IQCH: variants seen among roughly 807,000 people sequenced by gnomAD.
IQCH encodes the protein IQ domain-containing protein H.
A neutral mutation model predicts 117.0 loss-of-function variants in IQCH; 98 were observed. That is an observed-to-expected ratio of 0.84 (90% confidence interval 0.71 to 0.99). The LOEUF (loss-of-function observed/expected upper bound fraction) is 0.99. Ranked by LOEUF, IQCH falls within the 50% of genes least tolerant of loss-of-function variation. The probability of loss-of-function intolerance (pLI) is 0.00; values close to 1 mark genes in which losing one functional copy is unlikely to be tolerated. For missense variants in IQCH, 1,102 were observed against 1,243.8 expected (o/e 0.89, Z 1.72); for synonymous variants, 412 against 448.2 (o/e 0.92, Z 1.02).
At chr15:67,358,670 G>A (rs972329938) in intron 7 of IQCH, among the ~76,000 whole-genome samples, 1 of 152,176 alleles carries the variant, frequency 6.6e-6, no homozygotes, top group African/African-American at 2.4e-5. Context: ...AGCTGGCACT[G>A]TCTTTTTCTG....
chr15:67,487,717 T>G (rs1384678011), intron 18 of IQCH, among the ~76,000 whole-genome samples: 1 of 152,182 alleles, frequency 6.6e-6, no homozygotes, highest in Non-Finnish European at 1.5e-5. Flanking sequence ...TGGCAGCCAC[T>G]GTTTAGCCAC....
At chr15:67,307,018 T>C in intron 4 of IQCH, 1 of 1,340,890 alleles carries the variant, frequency 7.5e-7, no homozygotes, top group African/African-American at 1.5e-5. Context: ...TTAACATGAA[T>C]TTTAAAAGAA....
chr15:67,324,542 G>A (rs546435031), intron 4 of IQCH, among the ~76,000 whole-genome samples: 12 of 150,996 alleles, frequency 7.9e-5, no homozygotes, highest in Non-Finnish European at 1.0e-4. Context: ...CCCAGGAGGC[G>A]GAGGTTGCAG....
intron 7 of IQCH, among the ~76,000 whole-genome samples, chr15:67,357,757 C>G (rs869305): frequency 0.45 from 68,744 of 151,986 alleles, 16,031 homozygotes; most frequent in Non-Finnish European, 0.52. Context: ...TTGTGAGGTT[C>G]TACTGTATTT....
intron 14 of IQCH, among the ~76,000 whole-genome samples, chr15:67,402,627 T>C (rs947509192): frequency 1.3e-5 from 2 of 152,200 alleles, no homozygotes; most frequent in African/African-American, 4.8e-5. Context: ...ATACAAAACA[T>C]ATGCTGGCAG....
chr15:67,485,187 CAT>C (rs1448215484), intron 18 of IQCH, among the ~76,000 whole-genome samples: 1 of 152,052 alleles, frequency 6.6e-6, no homozygotes, highest in African/African-American at 2.4e-5. Context: ...TTCAAGAAAA[CAT>C]ATATGTTTGT....
intron 13 of IQCH, among the ~76,000 whole-genome samples, chr15:67,397,257 T>C (rs897566861): frequency 6.6e-6 from 1 of 152,246 alleles, no homozygotes; most frequent in African/African-American, 2.4e-5. Flanking sequence ...ATCTTTGCTA[T>C]GAAATATTTC....
At position 67,476,619 on chromosome 15, in the gene IQCH, T is replaced by A. The variant is rs1339496301; in HGVS notation, c.2799+801T>A. 6.6e-6 allele frequency among the ~76,000 whole-genome samples: 1 copy of A among 152,204 alleles called. No individual in the cohort carries two copies. The highest frequency in any genetic ancestry group is 1.5e-5 in the Non-Finnish European group (1 of 68,026). On this transcript the variant is annotated intron_variant, in intron 18 of 20. Transcript: ENST00000335894. The surrounding 1 kb of genome is among the most constrained non-coding windows in gnomAD (Gnocchi z 4.1). ...TCCAATGATACCGGGGGCCCCTGCA[T>A]AGCTGCTTTATCCTGATGTAGCTGA...
intron 20 of IQCH, among the ~76,000 whole-genome samples, chr15:67,498,585 C>T (rs1198297407): frequency 1.3e-5 from 2 of 150,306 alleles, no homozygotes; most frequent in East Asian, 2.0e-4. Flanking sequence ...CACTGCACTC[C>T]AGCCTGGGCG....
intron 18 of IQCH, among the ~76,000 whole-genome samples, chr15:67,483,481 C>T (rs1433114396): frequency 2.0e-5 from 3 of 152,182 alleles, no homozygotes; most frequent in East Asian, 3.8e-4. Flanking sequence ...CGCGCTACTG[C>T]GCTCCAGCCT....
rs1014992532 is a variant in IQCH at position 67,357,414 on chromosome 15, G to T, written c.707G>T (p.Arg236Ile). The change falls in exon 7 of 21, where the codon AGA becomes ATA. Residue 236 changes from arginine (R) to isoleucine (I), a missense_variant. This residue lies in a region of IQCH where 452 missense variants were observed against 449.6 expected (regional missense o/e 1.01). Coordinates refer to ENST00000335894, the MANE Select transcript of IQCH (RefSeq NM_001031715.3). The stretch of plus-strand genomic sequence containing the variant: ...GTGAAGTTCTTTCCCAAGAAACAAA[G>T]ATCAAAGGTATTTATATTCCTCACT... ...AEVKFFPKKQ[R>I]SKGKSRRSRG... 3 of 1,590,800 alleles carry T rather than the reference G, an allele frequency of 1.9e-6. No homozygotes were observed. Among genetic ancestry groups the T allele is most frequent in the African/African-American group, 1.3e-5 (1 of 74,408 alleles).
chr15:67,299,944 C>G (rs1966940353), intron 4 of IQCH, among the ~76,000 whole-genome samples: 1 of 152,046 alleles, frequency 6.6e-6, no homozygotes, highest in Admixed American at 6.6e-5. Context: ...TTATAAAATT[C>G]TCTACAACCT....
chr15:67,387,372 G>T lies in IQCH; in HGVS notation c.1457-1459G>T, dbSNP rs1015599345. Among the ~76,000 whole-genome samples, 1 of 152,020 alleles carries T rather than the reference G, an allele frequency of 6.6e-6. No homozygotes were observed. Among genetic ancestry groups the T allele is most frequent in the African/African-American group, 2.4e-5 (1 of 41,364 alleles). On this transcript the variant is annotated intron_variant, in intron 11 of 20. Transcript: ENST00000335894. This position sits in a 1 kb window ranked among gnomAD's most constrained non-coding sequence, Gnocchi z 4.8. ...GTGTAAAAGACCTTCCCAACTTTGC[G>T]AATCTCTCCATCATCCCTTCAGTCA...
At chr15:67,423,738 C>T (rs1189269285) in intron 16 of IQCH, among the ~76,000 whole-genome samples, 1 of 151,434 alleles carries the variant, frequency 6.6e-6, no homozygotes, top group Non-Finnish European at 1.5e-5. Flanking sequence ...CCTATAATCC[C>T]AGCTGCTCGG....
At chr15:67,327,050 C>T (rs892873832) in intron 4 of IQCH, among the ~76,000 whole-genome samples, 2 of 151,960 alleles carry the variant, frequency 1.3e-5, no homozygotes, top group Admixed American at 1.3e-4. Flanking sequence ...TCTAGAATAT[C>T]CTATGTATTT....
At chr15:67,299,312 T>TA (rs1370927587) in intron 4 of IQCH, among the ~76,000 whole-genome samples, 1 of 151,562 alleles carries the variant, frequency 6.6e-6, no homozygotes, top group African/African-American at 2.4e-5. Flanking sequence ...GGATAGTTAA[T>TA]GAGCACAAAA....
chr15:67,286,334 G>T (rs183522833), intron 4 of IQCH, among the ~76,000 whole-genome samples: 19 of 152,208 alleles, frequency 1.2e-4, no homozygotes, highest in Non-Finnish European at 1.3e-4. Flanking sequence ...TTTTTTGGTG[G>T]AGTCTTTAGG....
intron 4 of IQCH, among the ~76,000 whole-genome samples, chr15:67,333,436 T>G (rs1968755281): frequency 6.6e-6 from 1 of 152,216 alleles, no homozygotes; most frequent in African/African-American, 2.4e-5. Context: ...TGTGTTAGGT[T>G]TAATTCAGCC....
Position 67,500,156 on chromosome 15 carries a change from T to C in IQCH, c.2971-477T>C, listed in dbSNP as rs554037771. On this transcript the variant is annotated intron_variant, in intron 20 of 20. Coordinates refer to ENST00000335894, the MANE Select transcript of IQCH (RefSeq NM_001031715.3). This position sits in a 1 kb window ranked among gnomAD's most constrained non-coding sequence, Gnocchi z 4.4. ...AAAATATAAACAAAGTAAATGGGAATGTGTCATTTTTTTCTTCCCAGCAAC... is the reference window on the plus strand; with the variant it reads ...AAAATATAAACAAAGTAAATGGGAACGTGTCATTTTTTTCTTCCCAGCAAC... Among the ~76,000 whole-genome samples, 55 of 152,308 alleles carry C rather than the reference T, an allele frequency of 3.6e-4. No homozygotes were observed. The highest frequency in any genetic ancestry group is 3.4e-3 in the Middle Eastern group (1 of 294).
Sources: gnomAD v4.1 joint callset for allele counts (sites outside exome capture counted in the v4.1 genomes callset) on GRCh38, gnomAD v4.1.1 for gene constraint, gnomAD v4.1.1 regional missense constraint, Gnocchi (gnomAD v3.1) non-coding constraint, MANE v1.5 for transcripts, NCBI Gene and HGNC (gene_info 2026-07-23, HGNC 2026-07-21) for gene names.